The following MORN1 variants were observed in gnomAD, a reference collection of about 807,000 sequenced individuals.
The protein encoded by MORN1 is MORN repeat containing 1.
In MORN1, 67 loss-of-function variants were observed where a neutral mutation model predicts 61.9. The ratio of observed to expected loss-of-function variants is 1.08; its 90% confidence interval spans 0.89 to 1.33. MORN1 has a LOEUF of 1.33. Ranked by LOEUF, MORN1 falls within the 40% of genes most tolerant of loss-of-function variation. The probability of loss-of-function intolerance (pLI) is 0.00; values close to 1 mark genes in which losing one functional copy is unlikely to be tolerated. For missense variants in MORN1, 752 were observed against 691.2 expected, an observed-to-expected ratio of 1.09 and a Z score of -0.99; for synonymous variants, 301 against 292.0, an observed-to-expected ratio of 1.03 and a Z score of -0.31.
intron 12 of MORN1, among the ~76,000 whole-genome samples, chr1:2,325,141 T>TC (rs1237395208): frequency 2.8e-4 from 4 of 14,100 alleles, no homozygotes; most frequent in African/African-American, 1.7e-3. Context: ...CTTCCCTCCC[T>TC]CCCTCCCTTC....
chr1:2,340,596 T>C (rs1232313245), intron 10 of MORN1, among the ~76,000 whole-genome samples: 4 of 152,216 alleles, frequency 2.6e-5, no homozygotes, highest in Admixed American at 2.6e-4. Context: ...CCTGGTCCTG[T>C]CGCCCACTGC....
At chr1:2,356,244 C>T (rs1217068755) in intron 10 of MORN1, among the ~76,000 whole-genome samples, 10 of 152,176 alleles carry the variant, frequency 6.6e-5, no homozygotes, top group African/African-American at 2.4e-4. Context: ...TGGGCAGGGA[C>T]ATGGCAGGGA....
intron 13 of MORN1, chr1:2,323,675 A>G: frequency 1.0e-6 from 1 of 984,822 alleles, no homozygotes; most frequent in Non-Finnish European, 1.2e-6. Flanking sequence ...CGCTGGGAGG[A>G]GCCTTCCGCC....
rs1243621884 is a variant in MORN1, at chr1:2,357,340, T to C, written c.1036+92A>G. 1 of 1,419,282 alleles carries C rather than the reference T, an allele frequency of 7.0e-7. No individual in the cohort carries two copies. Among genetic ancestry groups the C allele is most frequent in the Non-Finnish European group, 9.5e-7 (1 of 1,047,880 alleles). The allele number at this position is 1,419,282 out of a possible 1,614,324, so 87.9% of individuals were successfully genotyped here. On this transcript the variant is annotated intron_variant, in intron 10 of 13. Transcript: ENST00000378531. This position sits in a 1 kb window ranked among gnomAD's most constrained non-coding sequence, Gnocchi z 6.3. ...CCCTGGGTGCGGCTTGCTCCTGCTC[T>C]GGCCTGGTTCTGGGTCCCCATGACC...
chr1:2,372,351 T>G lies in MORN1; in HGVS notation c.745+130A>C. On this transcript the variant is annotated intron_variant, in intron 8 of 13. Coordinates refer to ENST00000378531, the MANE Select transcript of MORN1 (RefSeq NM_024848.3). This position sits in a 1 kb window ranked among gnomAD's most constrained non-coding sequence, Gnocchi z 5.4. ...CACACCTGCGACCTCTCTGCCAGGC[T>G]CTGGGCACGAAGTCACTGCTGTGCC... is the stretch of plus-strand genomic sequence containing the variant. 1 of 696,678 alleles carries G rather than the reference T, an allele frequency of 1.4e-6. No homozygotes were observed. The highest frequency in any genetic ancestry group is 1.8e-5 in the South Asian group (1 of 55,568). The allele number at this position is 696,678 out of a possible 1,614,324, so 43.2% of individuals were successfully genotyped here. A position where few individuals can be genotyped will look rare whatever the true frequency, so the allele number is the denominator to read the frequency against.
At position 2,337,246 on chromosome 1, in the gene MORN1, C is replaced by CCTCCTCGGAGCTCAGGAG; in HGVS notation, c.1037-397_1037-396insCTCCTGAGCTCCGAGGAG. Reference sequence around the variant, plus strand: ...GGCGCTCAACAGTACAGCTGTGTGCCCTCCTCGGAGCGCAGCATGAGGAGG... The same window carrying CCTCCTCGGAGCTCAGGAG: ...GGCGCTCAACAGTACAGCTGTGTGCCCTCCTCGGAGCTCAGGAGCTCCTCGGAGCGCAGCATGAGGAGG... On this transcript the variant is annotated intron_variant, in intron 10 of 13. Coordinates refer to ENST00000378531, the MANE Select transcript of MORN1 (RefSeq NM_024848.3). This position sits in a 1 kb window ranked among gnomAD's most constrained non-coding sequence, Gnocchi z 5.7. Among the ~76,000 whole-genome samples the CCTCCTCGGAGCTCAGGAG allele has an allele frequency of 6.6e-6, 1 of 152,328 alleles. No homozygotes were observed. The highest frequency in any genetic ancestry group is 1.9e-4 in the East Asian group (1 of 5,184).
At chr1:2,359,202 G>A (rs1386995107) in intron 8 of MORN1, among the ~76,000 whole-genome samples, 5 of 152,122 alleles carry the variant, frequency 3.3e-5, no homozygotes, top group African/African-American at 1.2e-4. Context: ...CATCACCCTG[G>A]CAGATAGCAG....
rs753606244 is a variant in MORN1 at position 2,385,792 on chromosome 1, AAG to A, written c.449+13_449+14del. On this transcript the variant is annotated intron_variant, in intron 5 of 13. Coordinates refer to ENST00000378531, the MANE Select transcript of MORN1 (RefSeq NM_024848.3). ...CTGTCATGCGCCAGGCAGTACCCACAAGACTCATACTCACTGAAAGAGCATCT... is the reference window on the plus strand; with the variant it reads ...CTGTCATGCGCCAGGCAGTACCCACAACTCATACTCACTGAAAGAGCATCT... 11 of 1,611,656 alleles carry A rather than the reference AAG, an allele frequency of 6.8e-6. No homozygotes were observed. Among genetic ancestry groups the A allele is most frequent in the Non-Finnish European group, 9.3e-6 (11 of 1,178,064 alleles).
rs758203023 is a variant in MORN1, at chr1:2,336,760, G to A, written c.1127C>T (p.Pro376Leu). Residue 376 changes from proline (P) to leucine (L), a missense_variant, in exon 11 of 14, where the codon CCG (proline) becomes CTG (leucine). By Grantham distance (98) the Pro-to-Leu change is moderately conservative (BLOSUM62 -3). Transcript: ENST00000378531. ...EFTDVLLGPP[P>L]PGYHPFLFLD... ...GAACAGGAAGGGGTGGTACCCAGGC[G>A]GGGGCGGCCCCAGGAGGACATCTGT... 28 of 1,601,640 alleles carry A rather than the reference G, an allele frequency of 1.7e-5. No individual in the cohort carries two copies. The East Asian group carries it at 2.7e-4, about 15-fold the overall frequency.
chr1:2,325,136 C>CTTCCTTCCCTCCCT (rs112563477), intron 12 of MORN1, among the ~76,000 whole-genome samples: 1 of 5,322 alleles, frequency 1.9e-4, no homozygotes, highest in African/African-American at 7.6e-4. Context: ...CCTTCCTTCC[C>CTTCCTTCCCTCCCT]TCCCTCCCTC....
chr1:2,338,933 C>T (rs996069376), intron 10 of MORN1, among the ~76,000 whole-genome samples: 4 of 152,036 alleles, frequency 2.6e-5, no homozygotes, highest in Non-Finnish European at 4.4e-5. Context: ...GCCCTCCCTG[C>T]GCAGCACAAA....
chr1:2,336,058 A>G (rs1291357724), intron 12 of MORN1, among the ~76,000 whole-genome samples: 2 of 152,110 alleles, frequency 1.3e-5, no homozygotes, highest in African/African-American at 4.8e-5. Context: ...CGCGGTGTGC[A>G]CCTGGTCCCA....
chr1:2,379,712 G>A (rs1004507416), intron 6 of MORN1, among the ~76,000 whole-genome samples: 5 of 152,186 alleles, frequency 3.3e-5, no homozygotes, highest in African/African-American at 1.2e-4. Context: ...AACTCATTAG[G>A]GTAACCTTTT....
intron 6 of MORN1, among the ~76,000 whole-genome samples, chr1:2,380,372 GC>G (rs1024631069): frequency 1.3e-5 from 2 of 152,190 alleles, no homozygotes; most frequent in Non-Finnish European, 2.9e-5. Flanking sequence ...CAGCGCAGCG[GC>G]TCACGCCTGA....
At chr1:2,390,415 G>T (rs1642620959) in intron 1 of MORN1, 1 of 985,178 alleles carries the variant, frequency 1.0e-6, no homozygotes, top group African/African-American at 1.7e-5. Flanking sequence ...ATCCCCTGCC[G>T]TGGCCCTTCA....
At chr1:2,360,528 CCT>C (rs1466561873) in intron 8 of MORN1, among the ~76,000 whole-genome samples, 2 of 152,176 alleles carry the variant, frequency 1.3e-5, no homozygotes, top group South Asian at 2.1e-4. Context: ...CCAACAAACC[CCT>C]CAGTTGAGGA....
intron 13 of MORN1, chr1:2,322,192 C>T (rs985774951): frequency 2.0e-6 from 2 of 985,280 alleles, no homozygotes; most frequent in Non-Finnish European, 2.4e-6. Flanking sequence ...GTCTGGAGAG[C>T]TTCAAAGTTG....
chr1:2,321,935 C>T (rs1640890251), intron 13 of MORN1: 1 of 870,214 alleles, frequency 1.1e-6, no homozygotes, highest in Non-Finnish European at 1.4e-6. Context: ...GGCTACAGGT[C>T]CCTGAAGGAT....
intron 12 of MORN1, 91 bp downstream of exon 12, chr1:2,336,378 C>T (rs1641276275): frequency 1.5e-6 from 2 of 1,330,150 alleles, no homozygotes; most frequent in African/African-American, 1.5e-5. Flanking sequence ...GCCCTTGGCT[C>T]CCCTGGGCCT....
Sources: allele counts gnomAD v4.1 joint callset (sites outside exome capture counted in the v4.1 genomes callset), GRCh38; gene constraint gnomAD v4.1.1; non-coding constraint Gnocchi (gnomAD v3.1); transcripts MANE v1.5; gene names NCBI Gene and HGNC (gene_info 2026-07-23, HGNC 2026-07-21).